MTUS2: variants seen among roughly 807,000 people sequenced by gnomAD.
MTUS2 encodes microtubule-associated tumor suppressor candidate 2.
MTUS2 carries 40 observed loss-of-function variants against 114.1 expected under a neutral mutation model. The observed-to-expected ratio is 0.35, with a 90% confidence interval of 0.27 to 0.46. The LOEUF is 0.46. MTUS2 is among the 20% of genes least tolerant of loss of function. MTUS2 has a pLI of 1.00. For missense variants in MTUS2, 1,679 were observed against 1,705.4 expected (o/e 0.98, Z 0.27); for synonymous variants, 688 against 672.0 (o/e 1.02, Z -0.37).
chr13:29,366,388 C>T (rs1289917052), intron 8 of MTUS2, among the ~76,000 whole-genome samples: 3 of 152,124 alleles, frequency 2.0e-5, no homozygotes, highest in Admixed American at 2.0e-4. Flanking sequence ...TACCTCCCAC[C>T]AGGTCCCTCC....
At chr13:29,190,946 C>T (rs1414311608) in intron 5 of MTUS2, among the ~76,000 whole-genome samples, 1 of 152,120 alleles carries the variant, frequency 6.6e-6, no homozygotes, top group African/African-American at 2.4e-5. Flanking sequence ...AGATGCCATA[C>T]TCTTGGCTTG....
At chr13:29,005,634 G>T (rs569865829) in intron 2 of MTUS2, among the ~76,000 whole-genome samples, 4 of 152,176 alleles carry the variant, frequency 2.6e-5, no homozygotes. Context: ...TGCAGCCGTC[G>T]TCTTGGACAC....
chr13:29,141,802 G>A (rs116248095), intron 5 of MTUS2, among the ~76,000 whole-genome samples: 2,252 of 151,962 alleles, frequency 0.015, 47 homozygotes, highest in African/African-American at 0.052. Context: ...AACAATAATA[G>A]TTAAATTTTA....
At chr13:28,990,422 A>G (rs1305385674) in intron 2 of MTUS2, among the ~76,000 whole-genome samples, 1 of 152,164 alleles carries the variant, frequency 6.6e-6, no homozygotes, top group East Asian at 1.9e-4. Context: ...GTCTAGCAGA[A>G]GGATTGTAAA....
At chr13:29,253,586 G>A (rs1318007645) in intron 5 of MTUS2, among the ~76,000 whole-genome samples, 1 of 152,006 alleles carries the variant, frequency 6.6e-6, no homozygotes, top group Non-Finnish European at 1.5e-5. Flanking sequence ...AAATTTTATT[G>A]AGTCCTTGCT....
At chr13:29,151,675 C>T (rs1484034789) in intron 5 of MTUS2, among the ~76,000 whole-genome samples, 1 of 152,136 alleles carries the variant, frequency 6.6e-6, no homozygotes, top group South Asian at 2.1e-4. Flanking sequence ...ATGGGTTTGC[C>T]ATAGATAGCT....
chr13:29,440,040 G>T lies in MTUS2; in HGVS notation c.3175G>T (p.Asp1059Tyr). ...ELSIELANIR[D>Y]EVAFHTAKCE... ...GTCAATCGAACTTGCAAACATCAGG[G>T]ATGAAGTTGGTAAGTAGGGCATTGA... is the stretch of plus-strand genomic sequence containing the variant. The change falls in exon 9 of 16, where the codon GAT (aspartate) becomes TAT (tyrosine). Residue 1059 changes from aspartate to tyrosine, a missense_variant. This residue lies in a region of MTUS2 where 822 missense variants were observed against 899.7 expected (regional missense o/e 0.91). Coordinates refer to ENST00000612955, the MANE Select transcript of MTUS2 (RefSeq NM_001033602.4). The T allele has an allele frequency of 8.2e-6, 13 of 1,583,872 alleles. No homozygotes were observed. Among genetic ancestry groups the T allele is most frequent in the Non-Finnish European group, 1.0e-5 (12 of 1,163,078 alleles).
At position 28,939,762 on chromosome 13, in the gene MTUS2, T is replaced by G. The variant is rs532074485; in HGVS notation, c.-242-84695T>G. 7.8e-4 allele frequency among the ~76,000 whole-genome samples: 118 copies of G among 150,742 alleles called. 1 individual carries two copies. Among genetic ancestry groups the G allele is most frequent in the African/African-American group, 2.8e-3 (116 of 41,228 alleles). The stretch of plus-strand genomic sequence containing the variant: ...AAACAAAAAAAAAACTAAGAGAACG[T>G]AAGTGTCTTAGTCCGTTTTCATGCT... On this transcript the variant is annotated intron_variant, in intron 2 of 15. Coordinates refer to ENST00000612955, the MANE Select transcript of MTUS2 (RefSeq NM_001033602.4).
chr13:29,264,822 C>G (rs1170784030), intron 5 of MTUS2, among the ~76,000 whole-genome samples: 1 of 152,244 alleles, frequency 6.6e-6, no homozygotes, highest in African/African-American at 2.4e-5. Context: ...ACCATTCTTC[C>G]CGCCTAGGCC....
chr13:29,025,440 A>C lies in MTUS2; in HGVS notation c.742A>C (p.Thr248Pro). ...GAGTGTGCGTCATCCTAAACCATCTACCTCAGAAAGCAAGCAGAGCACTCC... is the reference window on the plus strand; with the variant it reads ...GAGTGTGCGTCATCCTAAACCATCTCCCTCAGAAAGCAAGCAGAGCACTCC... ...GKSVRHPKPS[T>P]SESKQSTPSE... is the part of the protein sequence containing the mutation. The change falls in exon 3 of 16, where the codon ACC (threonine) becomes CCC (proline). Residue 248 changes from threonine to proline, a missense_variant. This residue lies in a region of MTUS2 where 843 missense variants were observed against 770.8 expected (regional missense o/e 1.09). Transcript: ENST00000612955. The C allele has an allele frequency of 6.2e-7, 1 of 1,612,692 alleles. No individual in the cohort carries two copies. Among genetic ancestry groups the C allele is most frequent in the South Asian group, 1.1e-5 (1 of 90,906 alleles).
intron 2 of MTUS2, among the ~76,000 whole-genome samples, chr13:28,930,700 G>A (rs974164670): frequency 6.6e-6 from 1 of 152,128 alleles, no homozygotes; most frequent in African/African-American, 2.4e-5. Flanking sequence ...TTGTTCCCCT[G>A]GTAGAATCCC....
At chr13:29,115,867 C>T (rs542016603) in intron 5 of MTUS2, among the ~76,000 whole-genome samples, 1 of 152,196 alleles carries the variant, frequency 6.6e-6, no homozygotes, top group Non-Finnish European at 1.5e-5. Flanking sequence ...TTCCCTCCAA[C>T]TGATTCTTTA....
intron 5 of MTUS2, among the ~76,000 whole-genome samples, chr13:29,226,991 G>A (rs914975902): frequency 6.6e-6 from 1 of 151,956 alleles, no homozygotes; most frequent in African/African-American, 2.4e-5. Flanking sequence ...GGGGCGGTGG[G>A]TCATGCCTGT....
At chr13:29,060,271 G>T (rs897565588) in intron 4 of MTUS2, among the ~76,000 whole-genome samples, 1 of 152,184 alleles carries the variant, frequency 6.6e-6, no homozygotes, top group African/African-American at 2.4e-5. Flanking sequence ...TGTCCAGGTG[G>T]CTCTCTGCCT....
intron 8 of MTUS2, among the ~76,000 whole-genome samples, chr13:29,375,517 AT>A: frequency 0.021 from 125 of 5,856 alleles, 34 homozygotes; most frequent in African/African-American, 0.027. Flanking sequence ...CCAGCCTACT[AT>A]ATATATATAT....
At chr13:29,441,729 A>G (rs934414951) in intron 9 of MTUS2, among the ~76,000 whole-genome samples, 2 of 152,074 alleles carry the variant, frequency 1.3e-5, no homozygotes, top group Non-Finnish European at 2.9e-5. Flanking sequence ...CCGTGGAGCC[A>G]TGGGTCCCAT....
At position 29,009,426 on chromosome 13, in the gene MTUS2, T is replaced by C. The variant is rs997384050; in HGVS notation, c.-242-15031T>C. Among the ~76,000 whole-genome samples the C allele has an allele frequency of 5.9e-5, 9 of 152,044 alleles. No individual in the cohort carries two copies. In the East Asian group the frequency reaches 1.7e-3, roughly 29 times the overall value. ...CAAAAATATTAATAATATAGTATAATATAATCTAGGTTTATCCATATTAAA... is the reference window on the plus strand; with the variant it reads ...CAAAAATATTAATAATATAGTATAACATAATCTAGGTTTATCCATATTAAA... On this transcript the variant is annotated intron_variant, in intron 2 of 15. Transcript: ENST00000612955.
chr13:29,127,935 C>T (rs1216737237), intron 5 of MTUS2, among the ~76,000 whole-genome samples: 1 of 152,184 alleles, frequency 6.6e-6, no homozygotes, highest in Non-Finnish European at 1.5e-5. Context: ...GCTATACGTA[C>T]AAACCTGAAA....
chr13:29,503,273 A>C lies in MTUS2; in HGVS notation c.*67A>C, dbSNP rs1593527763. 1 of 1,564,092 alleles carries C rather than the reference A, an allele frequency of 6.4e-7. No individual in the cohort carries two copies. The highest frequency in any genetic ancestry group is 1.4e-5 in the African/African-American group (1 of 73,716). On this transcript the variant is annotated 3_prime_UTR_variant, in exon 16 of 16. Coordinates refer to ENST00000612955, the MANE Select transcript of MTUS2 (RefSeq NM_001033602.4). ...CGGTCTCCACCCTGAGGGAGCACCG[A>C]CCCGGTGCCGCCGGAGCTGGCCCTG... is the stretch of plus-strand genomic sequence containing the variant.
Sources: gnomAD v4.1 joint callset for allele counts (sites outside exome capture counted in the v4.1 genomes callset) on GRCh38, gnomAD v4.1.1 for gene constraint, gnomAD v4.1.1 regional missense constraint, MANE v1.5 for transcripts, NCBI Gene and HGNC (gene_info 2026-07-23, HGNC 2026-07-21) for gene names.